Variants in PCLO observed in about 807,000 individuals in gnomAD.
PCLO encodes the protein protein piccolo.
A neutral mutation model predicts 427.5 loss-of-function variants in PCLO; 82 were observed. That is an observed-to-expected ratio of 0.19 (90% CI 0.16 to 0.23). The LOEUF (loss-of-function observed/expected upper bound fraction) is 0.23. Ranked by LOEUF, PCLO falls within the 10% of genes least tolerant of loss-of-function variation. PCLO has a pLI of 1.00. For missense variants in PCLO, 6,239 were observed against 6,115.9 expected (o/e 1.02, Z -0.67); for synonymous variants, 2,357 against 2,155.4 (o/e 1.09, Z -2.59).
chr7:82,861,955 A>G (rs1289788346), intron 10 of PCLO, among the ~76,000 whole-genome samples: 1 of 151,962 alleles, frequency 6.6e-6, no homozygotes, highest in Non-Finnish European at 1.5e-5. Context: ...AACCCATGCA[A>G]AAGCAGTACT....
At chr7:82,794,484 T>TTTTTTTTTTTTTTTTTTTTTTA (rs1170290824) in intron 22 of PCLO, among the ~76,000 whole-genome samples, 1 of 114,772 alleles carries the variant, frequency 8.7e-6, no homozygotes. Context: ...TTTTTTTTTT[T>TTTTTTTTTTTTTTTTTTTTTTA]TTTTTGAGAC....
intron 8 of PCLO, 103 bp from the exon 9 acceptor site, chr7:82,902,844 A>G (rs745793525): frequency 4.3e-5 from 28 of 644,276 alleles, no homozygotes; most frequent in Non-Finnish European, 6.7e-5. Flanking sequence ...GATTAAATCA[A>G]TGGAACGTAG....
chr7:82,935,740 A>T (rs1300518673), intron 6 of PCLO, among the ~76,000 whole-genome samples: 2 of 151,650 alleles, frequency 1.3e-5, no homozygotes, highest in Non-Finnish European at 1.5e-5. Context: ...TTCAATGAAG[A>T]CAGAGCAAAT....
intron 3 of PCLO, among the ~76,000 whole-genome samples, chr7:83,061,363 CTT>C (rs1016518936): frequency 2.0e-5 from 3 of 152,216 alleles, no homozygotes; most frequent in African/African-American, 7.2e-5. Flanking sequence ...TGCTCCTGTT[CTT>C]TGTCTTTATT....
chr7:83,063,304 A>G (rs1161927308), intron 3 of PCLO, among the ~76,000 whole-genome samples: 1 of 152,110 alleles, frequency 6.6e-6, no homozygotes, highest in African/African-American at 2.4e-5. Flanking sequence ...GCTAAATCCA[A>G]GTTCTTCACA....
At chr7:82,967,766 G>A (rs1795812352) in intron 3 of PCLO, among the ~76,000 whole-genome samples, 1 of 152,168 alleles carries the variant, frequency 6.6e-6, no homozygotes. Flanking sequence ...ATTGATGTGT[G>A]TTGCATTTTT....
At chr7:82,926,056 G>A (rs1443356679) in intron 6 of PCLO, among the ~76,000 whole-genome samples, 1 of 151,948 alleles carries the variant, frequency 6.6e-6, no homozygotes. Context: ...GATAACAGAG[G>A]AGCGACCTGT....
At chr7:82,846,427 TA>T (rs1792503624) in intron 12 of PCLO, 139 bp downstream of exon 12, 9 of 614,420 alleles carry the variant, frequency 1.5e-5, no homozygotes, top group African/African-American at 7.6e-5. Flanking sequence ...TATAAATACA[TA>T]AAAAAATCTA....
At chr7:83,057,037 G>T (rs1275799096) in intron 3 of PCLO, among the ~76,000 whole-genome samples, 1 of 151,536 alleles carries the variant, frequency 6.6e-6, no homozygotes, top group Non-Finnish European at 1.5e-5. Flanking sequence ...TAATATTTGT[G>T]CTATTAAGCC....
chr7:82,929,562 A>G (rs1048141964), intron 6 of PCLO, among the ~76,000 whole-genome samples: 1 of 152,216 alleles, frequency 6.6e-6, no homozygotes, highest in African/African-American at 2.4e-5. Context: ...CTTATCTGAT[A>G]CATAAGATCA....
intron 10 of PCLO, among the ~76,000 whole-genome samples, chr7:82,869,694 A>G (rs1478098236): frequency 6.6e-6 from 1 of 152,028 alleles, no homozygotes; most frequent in East Asian, 1.9e-4. Flanking sequence ...AAAACTTAAT[A>G]TATGACAGAT....
chr7:83,065,317 C>A (rs1384373906), intron 3 of PCLO, among the ~76,000 whole-genome samples: 1 of 151,678 alleles, frequency 6.6e-6, no homozygotes, highest in Non-Finnish European at 1.5e-5. Flanking sequence ...CTTTGTATGG[C>A]TTTTTTCCTA....
At position 82,989,265 on chromosome 7, in the gene PCLO, A is replaced by G. The variant is rs1440199840; in HGVS notation, c.3301-22778T>C. 2.6e-5 allele frequency among the ~76,000 whole-genome samples: 4 copies of G among 152,276 alleles called. No homozygotes were observed. The East Asian group carries it at 7.7e-4, about 29-fold the overall frequency. On this transcript the variant is annotated intron_variant, in intron 3 of 24. Transcript: ENST00000333891. ...GAAAAGACAAAATCATTTAGGGCAA[A>G]AGCAATCCAATGAAGTACTAAAACT...
At chr7:83,000,884 T>C (rs570638441) in intron 3 of PCLO, among the ~76,000 whole-genome samples, 6 of 152,108 alleles carry the variant, frequency 3.9e-5, no homozygotes, top group Non-Finnish European at 8.8e-5. Flanking sequence ...TTCAAAACAA[T>C]AATAGTAATA....
chr7:83,117,863 T>C (rs1488121514), intron 3 of PCLO, among the ~76,000 whole-genome samples: 1 of 152,340 alleles, frequency 6.6e-6, no homozygotes, highest in South Asian at 2.1e-4. Context: ...CCAGGACAGA[T>C]AATAACCTAT....
intron 3 of PCLO, among the ~76,000 whole-genome samples, chr7:83,060,729 G>A (rs1789523203): frequency 6.6e-6 from 1 of 152,138 alleles, no homozygotes. Flanking sequence ...GCTACAGCCT[G>A]GTTCTAGACA....
intron 3 of PCLO, among the ~76,000 whole-genome samples, chr7:83,114,215 G>A (rs182743932): frequency 6.6e-6 from 1 of 152,214 alleles, no homozygotes; most frequent in Non-Finnish European, 1.5e-5. Flanking sequence ...TAGTCCTGAG[G>A]AGATAATTCC....
chr7:82,780,297 A>C, intron 22 of PCLO, among the ~76,000 whole-genome samples: 1 of 152,218 alleles, frequency 6.6e-6, no homozygotes, highest in Admixed American at 6.5e-5. Flanking sequence ...ATTAAAGTTG[A>C]AATTATTAAG....
intron 24 of PCLO, among the ~76,000 whole-genome samples, chr7:82,759,823 G>T (rs1444928985): frequency 6.6e-6 from 1 of 151,830 alleles, no homozygotes; most frequent in African/African-American, 2.4e-5. Context: ...CATTGTGCAG[G>T]CTGTAGGCAA....
Sources: gnomAD v4.1 joint callset for allele counts (sites outside exome capture counted in the v4.1 genomes callset) on GRCh38, gnomAD v4.1.1 for gene constraint, MANE v1.5 for transcripts, NCBI Gene and HGNC (gene_info 2026-07-23, HGNC 2026-07-21) for gene names.